The following PRPF40B variants were observed in gnomAD, a reference collection of about 807,000 sequenced individuals.
PRPF40B encodes the protein pre-mRNA-processing factor 40 homolog B.
PRPF40B carries 56 observed loss-of-function variants against 124.5 expected under a neutral mutation model. The observed-to-expected ratio is 0.45, with a 90% CI of 0.36 to 0.56. PRPF40B has a LOEUF of 0.56. Among genes scored for constraint, PRPF40B ranks in the 20% least tolerant of loss-of-function variants. The pLI, the probability that PRPF40B is intolerant of heterozygous loss-of-function variation, is 0.00. For missense variants in PRPF40B, 1,053 were observed against 1,169.5 expected (o/e 0.90, Z 1.45); for synonymous variants, 443 against 426.4 (o/e 1.04, Z -0.48).
At chr12:49,634,866 G>A in intron 12 of PRPF40B, 1 of 635,508 alleles carries the variant, frequency 1.6e-6, no homozygotes, top group Non-Finnish European at 2.7e-6. Flanking sequence ...GCTGGATAGG[G>A]TGACTTGAGA....
Position 49,642,508 on chromosome 12 carries a change from C to T in PRPF40B, c.2023-72C>T. On this transcript the variant is annotated intron_variant, in intron 20 of 25. Transcript: ENST00000548825. The surrounding 1 kb of genome is among the most constrained non-coding windows in gnomAD (Gnocchi z 5.8). ...TTCCTTTCTCTGCCCCAGCCCTGCC[C>T]TGTGCTCATGGCGGTGTCCAGGCCA... is the stretch of plus-strand genomic sequence containing the variant. The T allele has an allele frequency of 6.3e-7, 1 of 1,586,572 alleles. No individual in the cohort carries two copies.
chr12:49,640,233 T>C (rs1942431299), intron 18 of PRPF40B: 1 of 152,204 alleles, frequency 6.6e-6, no homozygotes, highest in African/African-American at 2.4e-5. Context: ...CCATGGAGGA[T>C]GCTCATGAGA....
At chr12:49,632,665 G>A (rs1311740316) in intron 5 of PRPF40B, 42 bp downstream of exon 5, 1 of 1,609,000 alleles carries the variant, frequency 6.2e-7, no homozygotes. Flanking sequence ...CTCGGAGGTT[G>A]GGGGGCATAG....
At chr12:49,624,165 C>T in intron 1 of PRPF40B, 1 of 985,642 alleles carries the variant, frequency 1.0e-6, no homozygotes. Flanking sequence ...CTCTGTGTGA[C>T]CTTGGGCAAG....
rs202229709 is a variant in PRPF40B, at chr12:49,635,207, G to C, written c.1110G>C (p.Gln370His). 19 of 1,614,158 alleles carry C rather than the reference G, an allele frequency of 1.2e-5. No homozygotes were observed. The East Asian group carries it at 4.2e-4, about 36-fold the overall frequency. The change falls in exon 13 of 26, where the codon CAG (glutamine) becomes CAC (histidine). Residue 370 changes from glutamine to histidine, a missense_variant. This residue lies in a region of PRPF40B where 895 missense variants were observed against 1,052.2 expected (regional missense o/e 0.85). Transcript: ENST00000548825. This position sits in a 1 kb window ranked among gnomAD's most constrained non-coding sequence, Gnocchi z 4.1. Reference protein sequence around the residue: ...EARLRAKEAKQTLQHFLEQHE... With the variant: ...EARLRAKEAKHTLQHFLEQHE... ...GGCTAAGGGCCAAAGAGGCCAAGCAGACCCTGCAGCATTTCCTGGAGCAGC... is the reference window on the plus strand; with the variant it reads ...GGCTAAGGGCCAAAGAGGCCAAGCACACCCTGCAGCATTTCCTGGAGCAGC...
intron 1 of PRPF40B, among the ~76,000 whole-genome samples, 181 bp from the exon 2 acceptor site, chr12:49,630,363 CA>C (rs1405284977): frequency 6.6e-6 from 1 of 152,072 alleles, no homozygotes; most frequent in Non-Finnish European, 1.5e-5. Context: ...CAAGAGAGAG[CA>C]AAAGCACAAG....
upstream of PRPF40B, chr12:49,623,502 GC>G: frequency 2.4e-6 from 3 of 1,228,578 alleles, no homozygotes; most frequent in South Asian, 3.6e-5. Context: ...CCCCCCGCCG[GC>G]CCCGCCCTCC....
chr12:49,635,643 C>T lies in PRPF40B; in HGVS notation c.1275+170C>T, dbSNP rs531226959. 7.2e-5 allele frequency among the ~76,000 whole-genome samples: 11 copies of T among 152,218 alleles called. No homozygotes were observed. Among genetic ancestry groups the T allele is most frequent in the Admixed American group, 7.2e-4 (11 of 15,288 alleles). On this transcript the variant is annotated intron_variant, in intron 14 of 25. Coordinates refer to ENST00000548825, the MANE Select transcript of PRPF40B (RefSeq NM_001031698.3). The surrounding 1 kb of genome is among the most constrained non-coding windows in gnomAD (Gnocchi z 4.1). ...CTCATTTCTGCTCTGGGCCTATAGT[C>T]CTGGGTGTAGCAGGGAGGAGGAGTC...
At chr12:49,624,764 G>A (rs1940546258) in intron 1 of PRPF40B, among the ~76,000 whole-genome samples, 1 of 151,366 alleles carries the variant, frequency 6.6e-6, no homozygotes, top group African/African-American at 2.4e-5. Context: ...AGAATCACTT[G>A]AACCCGGGAG....
intron 7 of PRPF40B, 131 bp from the exon 8 acceptor site, chr12:49,633,296 C>A: frequency 7.2e-7 from 1 of 1,379,498 alleles, no homozygotes; most frequent in Admixed American, 2.0e-5. Context: ...AGTCCACCTT[C>A]CCCAGTTTGA....
chr12:49,633,563 G>T lies in PRPF40B; in HGVS notation c.580+16G>T, dbSNP rs1458678652. On this transcript the variant is annotated intron_variant, in intron 8 of 25. Transcript: ENST00000548825. ...GACCTAGAGGGTGAGATGTCCTACG[G>T]GTGGGCCAGGTCAGGAGCTCTGGGG... 1.9e-6 allele frequency: 3 copies of T among 1,614,150 alleles called. No homozygotes were observed. The highest frequency in any genetic ancestry group is 2.5e-6 in the Non-Finnish European group (3 of 1,180,052).
intron 4 of PRPF40B, chr12:49,632,158 G>T (rs1941286635): frequency 3.3e-6 from 2 of 612,606 alleles, no homozygotes; most frequent in East Asian, 5.5e-5. Flanking sequence ...GCCTTGTCCA[G>T]CTCCCTTAAG....
Position 49,623,605 on chromosome 12 carries a change from G to T in PRPF40B, c.3+12G>T. 1 of 1,233,264 alleles carries T rather than the reference G, an allele frequency of 8.1e-7. No individual in the cohort carries two copies. The highest frequency in any genetic ancestry group is 1.0e-6 in the Non-Finnish European group (1 of 988,518). The allele number at this position is 1,233,264 out of a possible 1,614,324, so 76.4% of individuals were successfully genotyped here. A position where few individuals can be genotyped will look rare whatever the true frequency, so the allele number is the denominator to read the frequency against. ...GAGGCTCTGGCATGGTAACATCCCC[G>T]CGCGGGGGTGGAGGGGCTCGGGGCG... On this transcript the variant is annotated intron_variant, in intron 1 of 25. Transcript: ENST00000548825.
chr12:49,639,408 G>A (rs1430417416), intron 18 of PRPF40B: 5 of 152,340 alleles, frequency 3.3e-5, no homozygotes, highest in Admixed American at 1.3e-4. Context: ...AAGAGGGTGA[G>A]CAGGGAGAAA....
chr12:49,633,696 G>A, intron 9 of PRPF40B, 35 bp downstream of exon 9: 1 of 1,613,972 alleles, frequency 6.2e-7, no homozygotes, highest in Non-Finnish European at 8.5e-7. Flanking sequence ...TTTATAGTTG[G>A]GGCACCTGGA....
At chr12:49,630,356 G>C (rs1337092400) in intron 1 of PRPF40B, among the ~76,000 whole-genome samples, 189 bp from the exon 2 acceptor site, 1 of 152,088 alleles carries the variant, frequency 6.6e-6, no homozygotes, top group Non-Finnish European at 1.5e-5. Flanking sequence ...GCTGGCACAA[G>C]AGAGAGCAAA....
intron 18 of PRPF40B, 60 bp downstream of exon 18, chr12:49,637,884 A>T: frequency 7.3e-7 from 1 of 1,378,734 alleles, no homozygotes; most frequent in Non-Finnish European, 1.0e-6. Flanking sequence ...CTCCCTGCAG[A>T]GGACTCCCTG....
upstream of PRPF40B, among the ~76,000 whole-genome samples, chr12:49,623,235 G>A (rs1940356309): frequency 2.0e-5 from 3 of 151,888 alleles, no homozygotes; most frequent in South Asian, 2.1e-4. Context: ...TGAACGCTTC[G>A]GCTCCTGGAG....
intron 18 of PRPF40B, chr12:49,640,162 C>G (rs1238785388): frequency 6.6e-6 from 1 of 152,198 alleles, no homozygotes; most frequent in Non-Finnish European, 1.5e-5. Context: ...CCTTTCATCC[C>G]ATAGGATAAT....
Sources: gnomAD v4.1 joint callset for allele counts (sites outside exome capture counted in the v4.1 genomes callset) on GRCh38, gnomAD v4.1.1 for gene constraint, gnomAD v4.1.1 regional missense constraint, Gnocchi (gnomAD v3.1) non-coding constraint, MANE v1.5 for transcripts, NCBI Gene and HGNC (gene_info 2026-07-23, HGNC 2026-07-21) for gene names.